SLC9A9: variants seen among roughly 807,000 people sequenced by gnomAD.
SLC9A9 encodes sodium/hydrogen exchanger 9.
A neutral mutation model predicts 77.8 loss-of-function variants in SLC9A9; 62 were observed. That is an observed-to-expected ratio of 0.80 (90% CI 0.65 to 0.98). SLC9A9 has a LOEUF of 0.98. Among genes scored for constraint, SLC9A9 ranks in the 50% least tolerant of loss-of-function variants. The pLI, the probability that SLC9A9 is intolerant of heterozygous loss-of-function variation, is 0.00. For synonymous variants in SLC9A9, 320 were observed against 283.5 expected (o/e 1.13, Z -1.29); for missense variants, 775 against 774.9 (o/e 1.00, Z 0.00).
At chr3:143,324,594 G>A (rs1399055882) in intron 14 of SLC9A9, among the ~76,000 whole-genome samples, 1 of 152,186 alleles carries the variant, frequency 6.6e-6, no homozygotes, top group African/African-American at 2.4e-5. Context: ...GGCTGAGGTG[G>A]GCAGATCGTT....
At chr3:143,365,970 T>G (rs937933472) in intron 13 of SLC9A9, among the ~76,000 whole-genome samples, 1 of 152,234 alleles carries the variant, frequency 6.6e-6, no homozygotes, top group African/African-American at 2.4e-5. Context: ...ACGTGGATTT[T>G]TATCCATCAA....
At chr3:143,600,239 C>T (rs546492436) in intron 6 of SLC9A9, among the ~76,000 whole-genome samples, 1 of 152,104 alleles carries the variant, frequency 6.6e-6, no homozygotes, top group Non-Finnish European at 1.5e-5. Flanking sequence ...TCCATGTGTT[C>T]TCTTTGTTCA....
chr3:143,515,840 G>T (rs72991989), intron 9 of SLC9A9, among the ~76,000 whole-genome samples: 3,089 of 152,000 alleles, frequency 0.02, 99 homozygotes, highest in African/African-American at 0.069. Flanking sequence ...TTTTTCATTT[G>T]TGTTACTGAC....
At chr3:143,391,602 A>G (rs1215248665) in intron 12 of SLC9A9, among the ~76,000 whole-genome samples, 1 of 152,252 alleles carries the variant, frequency 6.6e-6, no homozygotes, top group Non-Finnish European at 1.5e-5. Context: ...CTGGATGGAA[A>G]ATGACTTTGA....
Position 143,382,069 on chromosome 3 carries a change from T to C in SLC9A9, c.1515A>G (p.Ser505=). The C allele has an allele frequency of 6.2e-7, 1 of 1,614,136 alleles. No individual in the cohort carries two copies. Among genetic ancestry groups the C allele is most frequent in the Non-Finnish European group, 8.5e-7 (1 of 1,179,986 alleles). ...LDENLKEDPS[S]QHQEANNLDK... ...GGTTTCTTTGACTTGCCTGGTGTTG[T>C]GAGGAGGGGTCCTCCTTCAGATTTT... Residue 505 remains serine (S), a synonymous_variant, in exon 13 of 16, where the codon TCA becomes TCG. Coordinates refer to ENST00000316549, the MANE Select transcript of SLC9A9 (RefSeq NM_173653.4).
chr3:143,286,958 C>A (rs895707077), intron 14 of SLC9A9, among the ~76,000 whole-genome samples: 2 of 152,196 alleles, frequency 1.3e-5, no homozygotes, highest in African/African-American at 4.8e-5. Context: ...AGGTGTGCGT[C>A]AGCAAAACTC....
At chr3:143,797,451 G>A (rs1234723775) in intron 2 of SLC9A9, among the ~76,000 whole-genome samples, 1 of 152,126 alleles carries the variant, frequency 6.6e-6, no homozygotes, top group Non-Finnish European at 1.5e-5. Flanking sequence ...AAATTGTCAG[G>A]CCTCTGAGCC....
At chr3:143,487,765 A>C (rs1383363104) in intron 11 of SLC9A9, among the ~76,000 whole-genome samples, 1 of 151,808 alleles carries the variant, frequency 6.6e-6, no homozygotes, top group Non-Finnish European at 1.5e-5. Flanking sequence ...GACTTACTTT[A>C]AACACTTACA....
chr3:143,401,986 T>A (rs1576473314), intron 12 of SLC9A9, among the ~76,000 whole-genome samples: 2 of 152,304 alleles, frequency 1.3e-5, no homozygotes, highest in East Asian at 3.9e-4. Flanking sequence ...TGGAGAAATC[T>A]AGATTCTACT....
At chr3:143,419,426 T>C (rs1442753555) in intron 12 of SLC9A9, among the ~76,000 whole-genome samples, 3 of 152,204 alleles carry the variant, frequency 2.0e-5, no homozygotes, top group Non-Finnish European at 4.4e-5. Flanking sequence ...TAAGTCACTC[T>C]TGAAAATAAG....
intron 5 of SLC9A9, among the ~76,000 whole-genome samples, chr3:143,658,433 T>C (rs2038930071): frequency 6.6e-6 from 1 of 152,252 alleles, no homozygotes; most frequent in Admixed American, 6.5e-5. Flanking sequence ...CTTAGTATCT[T>C]TTGCCATGCA....
chr3:143,424,270 CCT>C (rs1559909908), intron 12 of SLC9A9, among the ~76,000 whole-genome samples: 19 of 90,554 alleles, frequency 2.1e-4, no homozygotes, highest in African/African-American at 8.5e-4. Context: ...ATACTTGAAA[CCT>C]TTTTTTTTTT....
intron 4 of SLC9A9, among the ~76,000 whole-genome samples, chr3:143,758,619 A>G (rs966772887): frequency 3.9e-5 from 6 of 152,084 alleles, no homozygotes; most frequent in African/African-American, 1.4e-4. Flanking sequence ...AGTGTCAGAC[A>G]ATTTCAAAAT....
intron 9 of SLC9A9, among the ~76,000 whole-genome samples, chr3:143,514,047 C>A (rs2036162789): frequency 6.6e-6 from 1 of 152,034 alleles, no homozygotes; most frequent in Admixed American, 6.6e-5. Context: ...TTCCTGTGTC[C>A]AAGTGATCTC....
chr3:143,647,341 C>T lies in SLC9A9; in HGVS notation c.755+4914G>A, dbSNP rs374150289. On this transcript the variant is annotated intron_variant, in intron 6 of 15. Coordinates refer to ENST00000316549, the MANE Select transcript of SLC9A9 (RefSeq NM_173653.4). Reference sequence around the variant, plus strand: ...AAAATGCTTCCCTTGGTTTATCATTCGTCATTTAATTTTTTTGTAGTGGGT... The same window carrying T: ...AAAATGCTTCCCTTGGTTTATCATTTGTCATTTAATTTTTTTGTAGTGGGT... 1.6e-3 allele frequency among the ~76,000 whole-genome samples: 245 copies of T among 152,234 alleles called. 1 individual carries two copies. Among genetic ancestry groups the T allele is most frequent in the African/African-American group, 5.8e-3 (242 of 41,548 alleles).
In SLC9A9 at chr3:143,266,448, C is replaced by T; in HGVS notation, c.*254G>A. ...CCAGCAGCTAGACTCCTGATACCTC[C>T]ATCCCCACCCCAGCCAATCCAGTAA... On this transcript the variant is annotated 3_prime_UTR_variant, in exon 16 of 16. Coordinates refer to ENST00000316549, the MANE Select transcript of SLC9A9 (RefSeq NM_173653.4). 1 of 563,086 alleles carries T rather than the reference C, an allele frequency of 1.8e-6. No individual in the cohort carries two copies. Among genetic ancestry groups the T allele is most frequent in the Non-Finnish European group, 3.2e-6 (1 of 314,570 alleles). The allele number at this position is 563,086 out of a possible 1,614,324, so 34.9% of individuals were successfully genotyped here. A position where few individuals can be genotyped will look rare whatever the true frequency, so the allele number is the denominator to read the frequency against.
intron 13 of SLC9A9, among the ~76,000 whole-genome samples, chr3:143,375,044 C>T (rs2033151585): frequency 1.3e-5 from 2 of 152,102 alleles, no homozygotes; most frequent in Admixed American, 6.5e-5. Flanking sequence ...GACAAAAAAA[C>T]AAGTTGACAT....
chr3:143,339,094 C>T (rs2032013006), intron 14 of SLC9A9, among the ~76,000 whole-genome samples: 1 of 152,216 alleles, frequency 6.6e-6, no homozygotes, highest in South Asian at 2.1e-4. Context: ...ACACAAGGCA[C>T]TGTGTCAGTT....
rs531789647 is a variant in SLC9A9 at position 143,648,286 on chromosome 3, G to A, written c.755+3969C>T. On this transcript the variant is annotated intron_variant, in intron 6 of 15. Coordinates refer to ENST00000316549, the MANE Select transcript of SLC9A9 (RefSeq NM_173653.4). ...CCAGACTTTTCGGCACCAGGGAACTGTTTCGTGGAAGGCGATTTTTCCACG... is the reference window on the plus strand; with the variant it reads ...CCAGACTTTTCGGCACCAGGGAACTATTTCGTGGAAGGCGATTTTTCCACG... Among the ~76,000 whole-genome samples, 44 of 152,304 alleles carry A rather than the reference G, an allele frequency of 2.9e-4. 2 individuals are homozygous for A. Among genetic ancestry groups the A allele is most frequent in the Non-Finnish European group, 8.8e-5 (6 of 68,022 alleles).
Sources: allele counts gnomAD v4.1 joint callset (sites outside exome capture counted in the v4.1 genomes callset), GRCh38; gene constraint gnomAD v4.1.1; transcripts MANE v1.5; gene names NCBI Gene and HGNC (gene_info 2026-07-23, HGNC 2026-07-21).